Variants in SRRM3 observed in about 807,000 individuals in gnomAD.
The protein encoded by SRRM3 is serine/arginine repetitive matrix protein 3.
In SRRM3, 27 loss-of-function variants were observed where a neutral mutation model predicts 66.2. The observed-to-expected ratio is 0.41, with a 90% CI of 0.30 to 0.56. The LOEUF (loss-of-function observed/expected upper bound fraction) is 0.56. SRRM3 is among the 20% of genes least tolerant of loss of function. SRRM3 has a pLI of 0.32. For missense variants in SRRM3, 918 were observed against 991.9 expected (o/e 0.93, Z 1.00); for synonymous variants, 391 against 414.9 (o/e 0.94, Z 0.70).
chr7:76,210,681 G>C (rs556036239), intron 1 of SRRM3, among the ~76,000 whole-genome samples: 1 of 152,274 alleles, frequency 6.6e-6, no homozygotes, highest in East Asian at 1.9e-4. Context: ...TCTTGGGGGG[G>C]CGGGTAGTGC....
In SRRM3 at chr7:76,229,944, A is replaced by G. The variant is rs372604900; in HGVS notation, c.-39-5084A>G. ...CTTTTAGTAGAGACGGGGTTTCACC[A>G]TGTTGGCCAGGCTGGTCTCGAACTC... On this transcript the variant is annotated intron_variant, in intron 1 of 14. Transcript: ENST00000611745. 3.9e-5 allele frequency among the ~76,000 whole-genome samples: 6 copies of G among 152,022 alleles called. No individual in the cohort carries two copies. The East Asian group carries it at 7.8e-4, about 20-fold the overall frequency.
At chr7:76,259,277 G>C (rs760453933) in intron 3 of SRRM3, among the ~76,000 whole-genome samples, 1 of 151,814 alleles carries the variant, frequency 6.6e-6, no homozygotes, top group Non-Finnish European at 1.5e-5. Context: ...CATCTAAGGA[G>C]TAGCCACACA....
chr7:76,203,507 A>T (rs1554600823), intron 1 of SRRM3, among the ~76,000 whole-genome samples: 1 of 152,232 alleles, frequency 6.6e-6, no homozygotes, highest in Non-Finnish European at 1.5e-5. Context: ...GAGTGTTAGT[A>T]AATAGGAGAC....
chr7:76,246,710 G>C (rs377495275), intron 2 of SRRM3, among the ~76,000 whole-genome samples: 1 of 152,138 alleles, frequency 6.6e-6, no homozygotes, highest in Non-Finnish European at 1.5e-5. Context: ...TGGGGACCCC[G>C]GGATGACATC....
At chr7:76,276,501 T>C (rs1408616213) in intron 11 of SRRM3, among the ~76,000 whole-genome samples, 1 of 152,042 alleles carries the variant, frequency 6.6e-6, no homozygotes, top group African/African-American at 2.4e-5. Context: ...TGATGCAGCC[T>C]GGAAAAGGCG....
chr7:76,258,713 C>CAAAAAAA (rs201265747), intron 3 of SRRM3, among the ~76,000 whole-genome samples: 20 of 68,012 alleles, frequency 2.9e-4, no homozygotes, highest in South Asian at 5.4e-4. Flanking sequence ...GACTCCATCT[C>CAAAAAAA]AAAAAAAAAA....
Position 76,235,075 on chromosome 7 carries a change from C to T in SRRM3, c.9C>T (p.Ser3=), listed in dbSNP as rs782747995. 5.1e-6 allele frequency: 8 copies of T among 1,577,210 alleles called. No individual in the cohort carries two copies. The South Asian group carries it at 8.1e-5, about 16-fold the overall frequency. ...CTCCAGGGCCAGCCACGATGTCCTC[C>T]ACCGTGAACAACGGGGCGGCCAGCA... MS[S]TVNNGAASMQ... The change falls in exon 2 of 15, where the codon TCC becomes TCT. Residue 3 remains serine, a synonymous_variant. Transcript: ENST00000611745.
intron 14 of SRRM3, chr7:76,283,385 C>T: frequency 1.8e-6 from 1 of 544,912 alleles, no homozygotes; most frequent in Admixed American, 2.9e-5. Flanking sequence ...GGGGAGGGGG[C>T]TCTGTACTTG....
At chr7:76,278,501 A>T (rs1269249231) in intron 11 of SRRM3, among the ~76,000 whole-genome samples, 1 of 151,982 alleles carries the variant, frequency 6.6e-6, no homozygotes, top group Non-Finnish European at 1.5e-5. Flanking sequence ...ATAATAAAAA[A>T]ATAAAAATGA....
Position 76,261,374 on chromosome 7 carries a change from C to A in SRRM3, c.598C>A (p.Arg200Ser). 6.2e-7 allele frequency: 1 copy of A among 1,600,256 alleles called. No homozygotes were observed. Among genetic ancestry groups the A allele is most frequent in the East Asian group, 2.3e-5 (1 of 43,970 alleles). The part of the protein sequence containing the change: ...ECSCGSSSPL[R>S]KKKKSVKKHR... Reference sequence around the variant, plus strand: ...CAGCTGTGGGAGCTCCTCACCCCTCCGCAAGAAGAAGAAGAGTGTGAAGAA... The same window carrying A: ...CAGCTGTGGGAGCTCCTCACCCCTCAGCAAGAAGAAGAAGAGTGTGAAGAA... The change falls in exon 7 of 15, where the codon CGC (arginine) becomes AGC (serine). Residue 200 changes from arginine (R) to serine (S), a missense_variant. Arg to Ser is a moderately radical substitution (Grantham distance 110). Coordinates refer to ENST00000611745, the MANE Select transcript of SRRM3 (RefSeq NM_001110199.3).
chr7:76,255,555 C>A lies in SRRM3; in HGVS notation c.336-4351C>A, dbSNP rs532753951. Among the ~76,000 whole-genome samples the A allele has an allele frequency of 1.6e-3, 240 of 152,250 alleles. 2 individuals carry two copies. Among genetic ancestry groups the A allele is most frequent in the African/African-American group, 5.5e-3 (230 of 41,542 alleles). On this transcript the variant is annotated intron_variant, in intron 3 of 14. Transcript: ENST00000611745. ...CTCCTGGGCTCAAGCCATCTTCTGG[C>A]CCCAGCCTCCCAGGTAGCTGGGACT...
chr7:76,240,377 T>C (rs1801253973), intron 2 of SRRM3, among the ~76,000 whole-genome samples: 1 of 151,940 alleles, frequency 6.6e-6, no homozygotes, highest in Non-Finnish European at 1.5e-5. Flanking sequence ...TCCCAGCACT[T>C]TGGGAGGCCG....
chr7:76,206,782 T>TG (rs1800311474), intron 1 of SRRM3, among the ~76,000 whole-genome samples: 2 of 152,070 alleles, frequency 1.3e-5, no homozygotes, highest in Admixed American at 6.5e-5. Flanking sequence ...TCTGCAGCGC[T>TG]GCTTCCTCGG....
chr7:76,250,021 C>CTTTATTTATTTA (rs71082399), intron 3 of SRRM3, among the ~76,000 whole-genome samples: 4 of 151,506 alleles, frequency 2.6e-5, no homozygotes, highest in African/African-American at 7.3e-5. Context: ...TTGCAATCAT[C>CTTTATTTATTTA]TTTATTTATT....
chr7:76,267,830 G>C (rs1583929905), intron 11 of SRRM3: 2 of 173,960 alleles, frequency 1.1e-5, no homozygotes, highest in African/African-American at 2.4e-5. Context: ...GCAGGAGCAG[G>C]ATTCGAGAGA....
Position 76,229,874 on chromosome 7 carries a change from GC to G in SRRM3, c.-39-5153del, listed in dbSNP as rs1554604104. The stretch of plus-strand genomic sequence containing the variant: ...TTCTTCTGCCTCAGCCTCCCGAATA[GC>G]TTAGATTGCAGGCATGCACCACCAT... On this transcript the variant is annotated intron_variant, in intron 1 of 14. Coordinates refer to ENST00000611745, the MANE Select transcript of SRRM3 (RefSeq NM_001110199.3). Among the ~76,000 whole-genome samples, 200 of 151,630 alleles carry G rather than the reference GC, an allele frequency of 1.3e-3. 10 individuals are homozygous for G. The South Asian group carries it at 0.037, about 28-fold the overall frequency.
intron 1 of SRRM3, among the ~76,000 whole-genome samples, chr7:76,231,461 C>T (rs1801012709): frequency 1.3e-5 from 2 of 152,226 alleles, no homozygotes; most frequent in Admixed American, 6.5e-5. Flanking sequence ...ACCAGCTTTC[C>T]GCCTCTGCCC....
intron 2 of SRRM3, among the ~76,000 whole-genome samples, chr7:76,245,053 G>T (rs1554606041): frequency 5.3e-5 from 8 of 152,204 alleles, no homozygotes. Flanking sequence ...GGGATGTATG[G>T]GTTGCTATGG....
chr7:76,285,914 G>C lies in SRRM3; in HGVS notation c.*71G>C. ...GAGGGGCGGGCCCCAGGACCCCAGT[G>C]GGGAGGGGGCTATATCTCCTTGCCC... On this transcript the variant is annotated 3_prime_UTR_variant, in exon 15 of 15. Transcript: ENST00000611745. The surrounding 1 kb of genome is among the most constrained non-coding windows in gnomAD (Gnocchi z 4.1). 6.9e-7 allele frequency: 1 copy of C among 1,453,968 alleles called. No homozygotes were observed. The highest frequency in any genetic ancestry group is 2.5e-5 in the East Asian group (1 of 40,128). 90.1% of individuals were successfully genotyped at this position (1,453,968 alleles called of 1,614,324 possible). A position where few individuals can be genotyped will look rare whatever the true frequency, so the allele number is the denominator to read the frequency against.
Sources: allele counts gnomAD v4.1 joint callset (sites outside exome capture counted in the v4.1 genomes callset), GRCh38; gene constraint gnomAD v4.1.1; non-coding constraint Gnocchi (gnomAD v3.1); transcripts MANE v1.5; gene names NCBI Gene and HGNC (gene_info 2026-07-23, HGNC 2026-07-21).